ARHGAP15: variants seen among roughly 807,000 people sequenced by gnomAD.
The protein encoded by ARHGAP15 is rho GTPase-activating protein 15.
A neutral mutation model predicts 63.7 loss-of-function variants in ARHGAP15; 51 were observed. The observed-to-expected ratio is 0.80, with a 90% CI of 0.64 to 1.01. The LOEUF (loss-of-function observed/expected upper bound fraction) is 1.01. ARHGAP15 is among the 50% of genes least tolerant of loss of function. The probability of loss-of-function intolerance (pLI) is 0.00; values close to 1 mark genes in which losing one functional copy is unlikely to be tolerated. For missense variants in ARHGAP15, 560 were observed against 564.6 expected (o/e 0.99, Z 0.08); for synonymous variants, 191 against 193.8 (o/e 0.99, Z 0.12).
At chr2:143,658,621 A>T (rs749515212) in intron 12 of ARHGAP15, among the ~76,000 whole-genome samples, 21 of 152,288 alleles carry the variant, frequency 1.4e-4, no homozygotes, top group Non-Finnish European at 2.8e-4. Flanking sequence ...AAAGATGGAG[A>T]TCACAGACTC....
At chr2:143,355,660 T>C (rs1331722481) in intron 6 of ARHGAP15, among the ~76,000 whole-genome samples, 2 of 152,190 alleles carry the variant, frequency 1.3e-5, no homozygotes, top group African/African-American at 4.8e-5. Flanking sequence ...TCTAGTAAAG[T>C]TGTCTTTACA....
At chr2:143,151,281 A>G (rs945600788) in intron 1 of ARHGAP15, among the ~76,000 whole-genome samples, 1 of 151,994 alleles carries the variant, frequency 6.6e-6, no homozygotes, top group Non-Finnish European at 1.5e-5. Context: ...GCTAAAAAAT[A>G]AGACCACCAT....
At chr2:143,640,820 C>A (rs1680565065) in intron 12 of ARHGAP15, 1 of 152,072 alleles carries the variant, frequency 6.6e-6, no homozygotes, top group African/African-American at 2.4e-5. Flanking sequence ...AGTGTTTATT[C>A]TAGTTGTTTC....
chr2:143,515,860 C>T (rs1253605034), intron 9 of ARHGAP15, among the ~76,000 whole-genome samples: 4 of 152,234 alleles, frequency 2.6e-5, no homozygotes, highest in African/African-American at 9.6e-5. Context: ...ACCTCCATCT[C>T]TTTTATAACT....
intron 8 of ARHGAP15, among the ~76,000 whole-genome samples, chr2:143,438,490 A>G (rs1195967776): frequency 6.6e-6 from 1 of 152,144 alleles, no homozygotes; most frequent in Non-Finnish European, 1.5e-5. Flanking sequence ...GAGTAGAAGC[A>G]CCCTTTTGAA....
intron 2 of ARHGAP15, among the ~76,000 whole-genome samples, chr2:143,189,047 A>G (rs1691566348): frequency 6.6e-6 from 1 of 152,082 alleles, no homozygotes; most frequent in African/African-American, 2.4e-5. Flanking sequence ...GTCCTTCCAT[A>G]TCAGGAAATG....
chr2:143,448,507 T>G (rs5025201), intron 8 of ARHGAP15, among the ~76,000 whole-genome samples: 29,100 of 151,922 alleles, frequency 0.19, 3,408 homozygotes, highest in East Asian at 0.49. Context: ...ATGTACCATA[T>G]GCTGCAGGTC....
chr2:143,256,110 C>A (rs1345788889), intron 6 of ARHGAP15, among the ~76,000 whole-genome samples: 1 of 152,156 alleles, frequency 6.6e-6, no homozygotes, highest in Non-Finnish European at 1.5e-5. Context: ...CCTCACCTCA[C>A]CTGCCCATCT....
At chr2:143,472,958 T>C (rs192654495) in intron 8 of ARHGAP15, among the ~76,000 whole-genome samples, 3 of 152,270 alleles carry the variant, frequency 2.0e-5, no homozygotes, top group East Asian at 3.9e-4. Flanking sequence ...CTTGCTCTGA[T>C]ACTATTCAAT....
At chr2:143,747,245 T>TA (rs967922078) in intron 13 of ARHGAP15, among the ~76,000 whole-genome samples, 126 of 149,000 alleles carry the variant, frequency 8.5e-4, no homozygotes, top group Non-Finnish European at 1.4e-3. Context: ...TCCCAGAACT[T>TA]AAAAAAAAAG....
chr2:143,534,872 A>G (rs567703389), intron 10 of ARHGAP15, among the ~76,000 whole-genome samples: 2 of 151,652 alleles, frequency 1.3e-5, no homozygotes, highest in Admixed American at 6.6e-5. Context: ...TAGACTGAGA[A>G]CCTGTCTCAA....
intron 2 of ARHGAP15, among the ~76,000 whole-genome samples, chr2:143,163,645 A>T (rs1690385772): frequency 6.6e-6 from 1 of 152,044 alleles, no homozygotes; most frequent in Non-Finnish European, 1.5e-5. Context: ...CAGAATAAAT[A>T]AGAGATCATT....
At chr2:143,353,216 A>G (rs1685653967) in intron 6 of ARHGAP15, among the ~76,000 whole-genome samples, 2 of 152,282 alleles carry the variant, frequency 1.3e-5, no homozygotes, top group South Asian at 4.1e-4. Context: ...GTAGGGCCCA[A>G]GAGTTTGAGG....
chr2:143,758,743 A>G (rs556011071), intron 13 of ARHGAP15, among the ~76,000 whole-genome samples: 1 of 152,284 alleles, frequency 6.6e-6, no homozygotes, highest in East Asian at 1.9e-4. Context: ...TTAAGGAAAA[A>G]AGAGCCATAA....
intron 6 of ARHGAP15, among the ~76,000 whole-genome samples, chr2:143,340,527 C>T (rs202016992): frequency 2.7e-5 from 4 of 148,714 alleles, no homozygotes; most frequent in Admixed American, 6.7e-5. Context: ...GATTTTTTCT[C>T]TTTTTTTTTT....
At chr2:143,270,470 A>G (rs1007533936) in intron 6 of ARHGAP15, among the ~76,000 whole-genome samples, 2 of 152,164 alleles carry the variant, frequency 1.3e-5, no homozygotes, top group Admixed American at 1.3e-4. Context: ...TATTTGACCC[A>G]TTGGTGATAT....
At chr2:143,252,320 A>G (rs1680197081) in intron 6 of ARHGAP15, among the ~76,000 whole-genome samples, 1 of 152,048 alleles carries the variant, frequency 6.6e-6, no homozygotes. Flanking sequence ...CTATATTGAC[A>G]GTGTGTATCA....
At chr2:143,354,966 T>A (rs1262557784) in intron 6 of ARHGAP15, among the ~76,000 whole-genome samples, 1 of 152,222 alleles carries the variant, frequency 6.6e-6, no homozygotes, top group African/African-American at 2.4e-5. Flanking sequence ...ATAGTCAATA[T>A]GTGAACATTT....
chr2:143,421,320 T>C (rs1288492592), intron 6 of ARHGAP15, among the ~76,000 whole-genome samples: 5 of 152,242 alleles, frequency 3.3e-5, no homozygotes, highest in Middle Eastern at 3.4e-3. Context: ...GTGACAAATA[T>C]GCTGGAAGTT....
Sources: allele counts gnomAD v4.1 joint callset (sites outside exome capture counted in the v4.1 genomes callset), GRCh38; gene constraint gnomAD v4.1.1; transcripts MANE v1.5; gene names NCBI Gene and HGNC (gene_info 2026-07-23, HGNC 2026-07-21).